Variants in UVRAG observed in about 807,000 individuals in gnomAD.
UVRAG encodes the protein UV radiation resistance associated.
UVRAG carries 19 observed loss-of-function variants against 78.0 expected under a neutral mutation model. The observed-to-expected ratio is 0.24, with a 90% CI of 0.17 to 0.36. The LOEUF is 0.36. Among genes scored for constraint, UVRAG ranks in the 10% least tolerant of loss-of-function variants. UVRAG has a pLI of 1.00. For missense variants in UVRAG, 740 were observed against 853.8 expected (o/e 0.87, Z 1.66); for synonymous variants, 323 against 324.6 (o/e 1.00, Z 0.05).
intron 12 of UVRAG, among the ~76,000 whole-genome samples, chr11:76,048,166 A>G (rs1005278314): frequency 2.0e-5 from 3 of 152,330 alleles, no homozygotes; most frequent in Middle Eastern, 3.4e-3. Context: ...GCACATAGCT[A>G]TAAAGATGTT....
At chr11:75,928,097 C>T (rs1948153064) in intron 6 of UVRAG, among the ~76,000 whole-genome samples, 1 of 151,880 alleles carries the variant, frequency 6.6e-6, no homozygotes, top group African/African-American at 2.4e-5. Context: ...GCTGAGACCC[C>T]ATCTCTAAAA....
At chr11:76,106,524 C>T (rs1951973740) in intron 13 of UVRAG, among the ~76,000 whole-genome samples, 2 of 152,090 alleles carry the variant, frequency 1.3e-5, no homozygotes, top group African/African-American at 2.4e-5. Context: ...CACCACCATG[C>T]CCGGCTAATT....
intron 3 of UVRAG, among the ~76,000 whole-genome samples, chr11:75,865,684 G>A (rs1946522520): frequency 1.3e-5 from 2 of 151,254 alleles, no homozygotes; most frequent in Admixed American, 6.6e-5. Flanking sequence ...GCACGATCTC[G>A]GCTCATTTTA....
chr11:75,978,424 G>C (rs1441530664), intron 7 of UVRAG, among the ~76,000 whole-genome samples: 1 of 152,176 alleles, frequency 6.6e-6, no homozygotes, highest in African/African-American at 2.4e-5. Context: ...TGCCTTGCTA[G>C]GTTAGGGAAG....
intron 2 of UVRAG, among the ~76,000 whole-genome samples, chr11:75,852,642 G>A (rs560429737): frequency 5.9e-5 from 9 of 152,214 alleles, no homozygotes; most frequent in African/African-American, 1.9e-4. Flanking sequence ...AAATACTTCC[G>A]TACTAGTTCT....
At chr11:76,065,126 A>G (rs995951111) in intron 12 of UVRAG, among the ~76,000 whole-genome samples, 12 of 152,234 alleles carry the variant, frequency 7.9e-5, no homozygotes, top group African/African-American at 2.7e-4. Context: ...TAAAATGGAA[A>G]TTCATGTATG....
intron 1 of UVRAG, among the ~76,000 whole-genome samples, chr11:75,836,045 G>A (rs940593084): frequency 3.9e-5 from 6 of 151,998 alleles, no homozygotes; most frequent in African/African-American, 1.5e-4. Context: ...AGGTTGCAGT[G>A]AGCCTAGATC....
chr11:76,093,910 TGA>T (rs1335471191), intron 13 of UVRAG, among the ~76,000 whole-genome samples: 1 of 152,204 alleles, frequency 6.6e-6, no homozygotes, highest in Non-Finnish European at 1.5e-5. Context: ...ATAGGAGTGG[TGA>T]GAGAGGGCAT....
At chr11:75,908,187 A>T (rs969347852) in intron 5 of UVRAG, among the ~76,000 whole-genome samples, 1 of 152,068 alleles carries the variant, frequency 6.6e-6, no homozygotes, top group East Asian at 1.9e-4. Context: ...TTTTCCTTTG[A>T]TTGGCTTATT....
chr11:76,076,020 A>C (rs531614168), intron 13 of UVRAG, among the ~76,000 whole-genome samples: 1 of 152,106 alleles, frequency 6.6e-6, no homozygotes, highest in Non-Finnish European at 1.5e-5. Context: ...GGATGTTTCC[A>C]TTTCTTGGCT....
At chr11:76,021,822 G>A (rs1274014331) in intron 12 of UVRAG, among the ~76,000 whole-genome samples, 2 of 152,236 alleles carry the variant, frequency 1.3e-5, no homozygotes, top group Non-Finnish European at 2.9e-5. Context: ...GGGAGGCCAA[G>A]GCAGGCAGAT....
At chr11:75,828,893 T>G (rs1945595032) in intron 1 of UVRAG, among the ~76,000 whole-genome samples, 2 of 149,414 alleles carry the variant, frequency 1.3e-5, no homozygotes, top group South Asian at 2.1e-4. Flanking sequence ...ATTTTTGTAG[T>G]TTTTTTTGGT....
In UVRAG at chr11:75,983,503, A is replaced by G. The variant is rs1390358061; in HGVS notation, c.816A>G (p.Leu272=). Residue 272 remains leucine (L), a synonymous_variant, in exon 8 of 15, where the codon TTA becomes TTG. Transcript: ENST00000356136. ...TACTGCATAAGCAACAAATTGCATTACAAGACAAAGGTGAGTGGAAATACC... is the reference window on the plus strand; with the variant it reads ...TACTGCATAAGCAACAAATTGCATTGCAAGACAAAGGTGAGTGGAAATACC... The part of the protein sequence containing the change: ...VALLHKQQIA[L]QDKGSAFSAE... 1.9e-6 allele frequency: 3 copies of G among 1,604,696 alleles called. No homozygotes were observed. The highest frequency in any genetic ancestry group is 1.1e-5 in the South Asian group (1 of 89,314).
chr11:76,069,569 T>TC (rs1329307314), intron 13 of UVRAG, among the ~76,000 whole-genome samples: 1 of 152,144 alleles, frequency 6.6e-6, no homozygotes, highest in Non-Finnish European at 1.5e-5. Context: ...TGCTTTTAAT[T>TC]CTCAGAGCAT....
chr11:75,925,929 T>C (rs915668600), intron 6 of UVRAG, among the ~76,000 whole-genome samples: 4 of 152,210 alleles, frequency 2.6e-5, no homozygotes, highest in African/African-American at 9.7e-5. Flanking sequence ...CTGAGTTTAG[T>C]GGTAAAGGCC....
chr11:75,925,910 A>G (rs1366810784), intron 6 of UVRAG, among the ~76,000 whole-genome samples: 1 of 152,196 alleles, frequency 6.6e-6, no homozygotes, highest in Non-Finnish European at 1.5e-5. Flanking sequence ...CTAGTAAGTC[A>G]TGCAGAGTCT....
rs75150298 is a variant in UVRAG, at chr11:75,992,096, T to G, written c.826+8583T>G. Among the ~76,000 whole-genome samples, 1,021 of 152,324 alleles carry G rather than the reference T, an allele frequency of 6.7e-3. 14 individuals are homozygous for G. Among genetic ancestry groups the G allele is most frequent in the African/African-American group, 0.023 (971 of 41,566 alleles). On this transcript the variant is annotated intron_variant, in intron 8 of 14. Coordinates refer to ENST00000356136, the MANE Select transcript of UVRAG (RefSeq NM_003369.4). ...TTAGTACCCAGTTTGCAGATGAGGATGATTTGTCCAAAATCACATAACAAG... is the reference window on the plus strand; with the variant it reads ...TTAGTACCCAGTTTGCAGATGAGGAGGATTTGTCCAAAATCACATAACAAG...
At chr11:75,899,959 T>C (rs937766049) in intron 5 of UVRAG, among the ~76,000 whole-genome samples, 3 of 152,214 alleles carry the variant, frequency 2.0e-5, no homozygotes, top group Non-Finnish European at 4.4e-5. Flanking sequence ...AATCATCTTA[T>C]CCTGTAATTC....
rs923954078 is a variant in UVRAG, at chr11:75,844,039, C to G, written c.118-7844C>G. Reference sequence around the variant, plus strand: ...CCCTAATTGGATCATATGTTATGATCGGGAGAATATAATGTGCTGATTGAT... The same window carrying G: ...CCCTAATTGGATCATATGTTATGATGGGGAGAATATAATGTGCTGATTGAT... On this transcript the variant is annotated intron_variant, in intron 1 of 14. Transcript: ENST00000356136. Among the ~76,000 whole-genome samples the G allele has an allele frequency of 4.0e-5, 6 of 151,040 alleles. No homozygotes were observed. In the East Asian group the frequency reaches 1.2e-3, roughly 29 times the overall value.
Sources: allele counts gnomAD v4.1 joint callset (sites outside exome capture counted in the v4.1 genomes callset), GRCh38; gene constraint gnomAD v4.1.1; transcripts MANE v1.5; gene names NCBI Gene and HGNC (gene_info 2026-07-23, HGNC 2026-07-21).